The following CAPSL variants were observed in gnomAD, a reference collection of about 807,000 sequenced individuals.
The protein encoded by CAPSL is calcyphosine like.
A neutral mutation model predicts 21.3 loss-of-function variants in CAPSL; 17 were observed. The observed-to-expected ratio is 0.80, with a 90% CI of 0.55 to 1.20. The LOEUF (loss-of-function observed/expected upper bound fraction) is 1.20. Among genes scored for constraint, CAPSL ranks in the 50% most tolerant of loss-of-function variants. The pLI is 0.00. For missense variants in CAPSL, 289 were observed against 259.3 expected, an observed-to-expected ratio of 1.11 and a Z score of -0.79; for synonymous variants, 102 against 89.3, an observed-to-expected ratio of 1.14 and a Z score of -0.80.
chr5:35,912,204 GCAGC>G (rs1738244508), intron 2 of CAPSL, among the ~76,000 whole-genome samples: 1 of 152,174 alleles, frequency 6.6e-6, no homozygotes, highest in Admixed American at 6.5e-5. Context: ...GGTAAACAAA[GCAGC>G]CAGGAAGCTC....
At chr5:35,929,183 C>T (rs1738757787) in intron 1 of CAPSL, among the ~76,000 whole-genome samples, 1 of 152,022 alleles carries the variant, frequency 6.6e-6, no homozygotes, top group Non-Finnish European at 1.5e-5. Context: ...ATACTACTGC[C>T]CTATTACAGG....
At chr5:35,912,459 C>T (rs1455934122) in intron 2 of CAPSL, among the ~76,000 whole-genome samples, 1 of 152,190 alleles carries the variant, frequency 6.6e-6, no homozygotes, top group South Asian at 2.1e-4. Context: ...GAGGCACCCC[C>T]CAGTAGGGGC....
chr5:35,925,434 G>GA (rs1235705758), intron 1 of CAPSL, among the ~76,000 whole-genome samples: 1 of 152,168 alleles, frequency 6.6e-6, no homozygotes, highest in East Asian at 1.9e-4. Context: ...AGGTGAGAGA[G>GA]AAAACAATAT....
intron 1 of CAPSL, 47 bp downstream of exon 1, chr5:35,938,494 A>G (rs1391938228): frequency 9.6e-6 from 1 of 104,444 alleles, no homozygotes; most frequent in African/African-American, 3.6e-5. Flanking sequence ...ACATACCAAG[A>G]AAAAAAAAAA....
intron 2 of CAPSL, among the ~76,000 whole-genome samples, chr5:35,916,353 GA>G (rs202240060): frequency 0.014 from 2,070 of 151,978 alleles, 48 homozygotes; most frequent in African/African-American, 0.046. Flanking sequence ...CACAGAATTG[GA>G]AAAAACTACT....
chr5:35,917,829 C>T (rs551859090), intron 2 of CAPSL, among the ~76,000 whole-genome samples: 23 of 152,060 alleles, frequency 1.5e-4, no homozygotes, highest in Admixed American at 3.3e-4. Context: ...AACAAACCTG[C>T]GCGTTGTGCA....
chr5:35,910,390 G>T lies in CAPSL; in HGVS notation c.291C>A (p.Phe97Leu). 6.2e-7 allele frequency: 1 copy of T among 1,613,382 alleles called. No homozygotes were observed. The highest frequency in any genetic ancestry group is 8.5e-7 in the Non-Finnish European group (1 of 1,179,768). The change falls in exon 3 of 5, where the codon TTC becomes TTA. Residue 97 changes from phenylalanine to leucine, a missense_variant. Transcript: ENST00000651391. ...FDKDGNGTID[F>L]NEFLLTLRPP... Reference sequence around the variant, plus strand: ...CTCTTAATGTGAGAAGAAATTCATTGAAGTCTATTGTTCCATTTCCATCTT... The same window carrying T: ...CTCTTAATGTGAGAAGAAATTCATTTAAGTCTATTGTTCCATTTCCATCTT...
At chr5:35,908,465 G>A (rs762731844) in intron 4 of CAPSL, among the ~76,000 whole-genome samples, 14 of 152,282 alleles carry the variant, frequency 9.2e-5, no homozygotes, top group Admixed American at 2.0e-4. Flanking sequence ...TGAATCAGCC[G>A]AATCACAACT....
At chr5:35,916,784 C>T (rs1738398889) in intron 2 of CAPSL, among the ~76,000 whole-genome samples, 1 of 152,144 alleles carries the variant, frequency 6.6e-6, no homozygotes, top group Admixed American at 6.5e-5. Flanking sequence ...CTAGGCAATA[C>T]CATTCAGGAC....
rs145918665 is a variant in CAPSL at position 35,936,798 on chromosome 5, C to T, written c.-1+1743G>A. On this transcript the variant is annotated intron_variant, in intron 1 of 4. Coordinates refer to ENST00000651391, the MANE Select transcript of CAPSL (RefSeq NM_001042625.2). ...TATCTTATGGCAATCTCAGTCATAT[C>T]CCCTGATACAATGATGACTAACAAA... is the stretch of plus-strand genomic sequence containing the variant. Among the ~76,000 whole-genome samples, 464 of 152,296 alleles carry T rather than the reference C, an allele frequency of 3.0e-3. 1 individual carries two copies. Among genetic ancestry groups the T allele is most frequent in the Middle Eastern group, 0.01 (3 of 294 alleles).
intron 2 of CAPSL, among the ~76,000 whole-genome samples, chr5:35,916,914 C>T (rs1228154513): frequency 1.3e-5 from 2 of 152,184 alleles, no homozygotes; most frequent in Non-Finnish European, 2.9e-5. Flanking sequence ...TAACTACCAT[C>T]AGAGTGAAGA....
intron 2 of CAPSL, among the ~76,000 whole-genome samples, chr5:35,917,564 T>C (rs1477159086): frequency 6.6e-6 from 1 of 152,112 alleles, no homozygotes; most frequent in African/African-American, 2.4e-5. Flanking sequence ...ATGTCCTTTG[T>C]AGGGACATGG....
chr5:35,913,840 T>C (rs1180516802), intron 2 of CAPSL, among the ~76,000 whole-genome samples: 1 of 152,036 alleles, frequency 6.6e-6, no homozygotes, highest in Non-Finnish European at 1.5e-5. Context: ...AATGACAGGA[T>C]CAAATTCAAA....
chr5:35,922,325 C>T (rs564425580), intron 1 of CAPSL, among the ~76,000 whole-genome samples: 17 of 152,244 alleles, frequency 1.1e-4, no homozygotes, highest in African/African-American at 3.9e-4. Flanking sequence ...ATAACTGAGG[C>T]CAGAATAGAC....
At chr5:35,936,164 C>T (rs1447206586) in intron 1 of CAPSL, among the ~76,000 whole-genome samples, 1 of 152,130 alleles carries the variant, frequency 6.6e-6, no homozygotes, top group African/African-American at 2.4e-5. Context: ...TTCACATCAT[C>T]CTCCTCCAAA....
intron 1 of CAPSL, among the ~76,000 whole-genome samples, chr5:35,923,089 T>A (rs956056839): frequency 1.3e-5 from 2 of 152,212 alleles, no homozygotes; most frequent in African/African-American, 4.8e-5. Context: ...TCCTGACCCT[T>A]GACCTTGCTT....
intron 1 of CAPSL, among the ~76,000 whole-genome samples, chr5:35,931,068 C>T (rs554507045): frequency 8.3e-4 from 126 of 152,290 alleles, no homozygotes; most frequent in African/African-American, 2.9e-3. Context: ...CTTGACTTCA[C>T]GATCCTGTCT....
chr5:35,928,614 A>G (rs1442484729), intron 1 of CAPSL, among the ~76,000 whole-genome samples: 1 of 152,160 alleles, frequency 6.6e-6, no homozygotes, highest in Non-Finnish European at 1.5e-5. Flanking sequence ...AACTGGGTAC[A>G]ATCCCCCCCA....
intron 4 of CAPSL, among the ~76,000 whole-genome samples, chr5:35,906,118 C>G (rs755774799): frequency 6.6e-6 from 1 of 152,138 alleles, no homozygotes; most frequent in Admixed American, 6.6e-5. Context: ...GCCATTTTGA[C>G]GGTGCACTTT....
Sources: allele counts gnomAD v4.1 joint callset (sites outside exome capture counted in the v4.1 genomes callset), GRCh38; gene constraint gnomAD v4.1.1; transcripts MANE v1.5; gene names NCBI Gene and HGNC (gene_info 2026-07-23, HGNC 2026-07-21).